The following TMEM182 variants were observed in gnomAD, a reference collection of about 807,000 sequenced individuals.
TMEM182 encodes transmembrane protein 182.
In TMEM182, 20 loss-of-function variants were observed where a neutral mutation model predicts 26.8. That is an observed-to-expected ratio of 0.75 (90% CI 0.53 to 1.09). TMEM182 has a LOEUF of 1.09. TMEM182 is among the 50% of genes least tolerant of loss of function. TMEM182 has a pLI of 0.00. For missense variants in TMEM182, 277 were observed against 275.5 expected (o/e 1.01, Z -0.04); for synonymous variants, 109 against 102.2 (o/e 1.07, Z -0.40).
In TMEM182 at chr2:102,814,916, T is replaced by C. The variant is rs1288055537; in HGVS notation, c.638T>C (p.Leu213Pro). The change falls in exon 5 of 5, where the codon CTA (leucine) becomes CCA (proline). Residue 213 changes from leucine to proline, a missense_variant. Physicochemically the swap from Leu to Pro is moderately conservative, Grantham distance 98. Transcript: ENST00000412401. ...LAPAGIFFSL[L>P]AGLLFLVVGW... is the part of the protein sequence containing the mutation. ...CCAGCTGGGATATTTTTTTCTTTGC[T>C]AGCTGGATTACTATTTCTGGTTGTT... 6.2e-7 allele frequency: 1 copy of C among 1,614,020 alleles called. No individual in the cohort carries two copies. Among genetic ancestry groups the C allele is most frequent in the Admixed American group, 1.7e-5 (1 of 59,972 alleles).
At chr2:102,773,927 G>A (rs1680792239) in intron 3 of TMEM182, among the ~76,000 whole-genome samples, 1 of 152,094 alleles carries the variant, frequency 6.6e-6, no homozygotes, top group South Asian at 2.1e-4. Flanking sequence ...CCAAAAAACT[G>A]TGTATATATG....
intron 3 of TMEM182, among the ~76,000 whole-genome samples, chr2:102,777,943 G>A (rs1351742919): frequency 6.6e-6 from 1 of 151,606 alleles, no homozygotes. Context: ...ATCAGTATTG[G>A]TATATGTTCC....
upstream of TMEM182, chr2:102,761,975 C>A (rs537351859): frequency 7.9e-6 from 3 of 381,538 alleles, no homozygotes; most frequent in Non-Finnish European, 1.4e-5. Context: ...CTTAAAATAG[C>A]CAGCAATTCT....
intron 3 of TMEM182, chr2:102,834,292 A>C (rs1683201441): frequency 1.3e-6 from 1 of 756,196 alleles, no homozygotes; most frequent in Admixed American, 6.3e-5. Flanking sequence ...GTCTCTGTAA[A>C]GAAAAAAACC....
intron 3 of TMEM182, among the ~76,000 whole-genome samples, chr2:102,783,439 C>A (rs1438099454): frequency 6.6e-6 from 1 of 152,092 alleles, no homozygotes; most frequent in Non-Finnish European, 1.5e-5. Context: ...AAACAAAAAA[C>A]TAAGGGGGTT....
chr2:102,812,207 A>G (rs1450031331), intron 4 of TMEM182, among the ~76,000 whole-genome samples: 1 of 152,152 alleles, frequency 6.6e-6, no homozygotes, highest in African/African-American at 2.4e-5. Flanking sequence ...CCCATTGGCC[A>G]TTCACTTATT....
chr2:102,766,131 T>C (rs1558759798), intron 3 of TMEM182, among the ~76,000 whole-genome samples: 1 of 152,210 alleles, frequency 6.6e-6, no homozygotes, highest in Non-Finnish European at 1.5e-5. Flanking sequence ...TGAGGTCCTG[T>C]GATAAGATAG....
intron 3 of TMEM182, among the ~76,000 whole-genome samples, chr2:102,784,288 C>T (rs1274067771): frequency 6.6e-6 from 1 of 151,810 alleles, no homozygotes; most frequent in Non-Finnish European, 1.5e-5. Flanking sequence ...TATTTTACCA[C>T]TTAAGAAAAA....
At chr2:102,837,905 A>G (rs1308232081) in intron 3 of TMEM182, among the ~76,000 whole-genome samples, 1 of 152,192 alleles carries the variant, frequency 6.6e-6, no homozygotes, top group Non-Finnish European at 1.5e-5. Context: ...TACGTCATTC[A>G]TGGGGCTTAG....
At chr2:102,759,349 C>A (rs1293220732), upstream of TMEM182, among the ~76,000 whole-genome samples, 1 of 152,098 alleles carries the variant, frequency 6.6e-6, no homozygotes, top group Non-Finnish European at 1.5e-5. Flanking sequence ...AGGGAGGGGG[C>A]GTGTGGGGGA....
At chr2:102,841,615 C>A (rs1257229064) in intron 3 of TMEM182, among the ~76,000 whole-genome samples, 1 of 152,212 alleles carries the variant, frequency 6.6e-6, no homozygotes, top group Non-Finnish European at 1.5e-5. Flanking sequence ...TGTCTGTTGT[C>A]TTTGAACTAA....
chr2:102,762,475 C>G, intron 1 of TMEM182, 112 bp from the exon 2 acceptor site: 45 of 1,525,406 alleles, frequency 3.0e-5, no homozygotes, highest in Non-Finnish European at 3.9e-5. Flanking sequence ...TAGAAAGCTA[C>G]TGAGCTTCAT....
At chr2:102,754,242 T>C (rs1342515897) in intron 1 of TMEM182, among the ~76,000 whole-genome samples, 1 of 152,150 alleles carries the variant, frequency 6.6e-6, no homozygotes, top group Non-Finnish European at 1.5e-5. Context: ...TTTGGAGATT[T>C]TAGAAAAGTA....
At chr2:102,740,252 A>G (rs1225035758) in intron 1 of TMEM182, among the ~76,000 whole-genome samples, 2 of 152,148 alleles carry the variant, frequency 1.3e-5, no homozygotes, top group East Asian at 3.9e-4. Flanking sequence ...CTCATCTTGA[A>G]CTGCAGTTCC....
At position 102,762,345 on chromosome 2, in the gene TMEM182, A is replaced by T; in HGVS notation, c.128A>T (p.Lys43Met). The change falls in exon 1 of 5, where the codon AAG becomes ATG. Residue 43 changes from lysine to methionine, a missense_variant. Lys to Met is a moderately conservative substitution (Grantham distance 95). Coordinates refer to ENST00000412401, the MANE Select transcript of TMEM182 (RefSeq NM_144632.5). ...GAAGTGGGGAGATGTTCAGGTGAAAAGAATGTGAGTCTCTTCTTCAAAATA... is the reference window on the plus strand; with the variant it reads ...GAAGTGGGGAGATGTTCAGGTGAAATGAATGTGAGTCTCTTCTTCAAAATA... ...ATEVGRCSGE[K>M]NIENVTFHHE... is the part of the protein sequence containing the mutation. The T allele has an allele frequency of 6.2e-7, 1 of 1,613,878 alleles. No homozygotes were observed. Among genetic ancestry groups the T allele is most frequent in the South Asian group, 1.1e-5 (1 of 91,068 alleles).
intron 1 of TMEM182, among the ~76,000 whole-genome samples, chr2:102,742,657 A>T (rs1407466475): frequency 6.6e-6 from 1 of 152,218 alleles, no homozygotes; most frequent in Non-Finnish European, 1.5e-5. Flanking sequence ...AAAACAGAGA[A>T]AATCTTGAAA....
In TMEM182 at chr2:102,799,617, T is replaced by A. The variant is rs185147138; in HGVS notation, c.469+1617T>A. Among the ~76,000 whole-genome samples, 723 of 152,248 alleles carry A rather than the reference T, an allele frequency of 4.7e-3. 22 individuals are homozygous for A. Among genetic ancestry groups the A allele is most frequent in the Admixed American group, 0.045 (693 of 15,302 alleles). On this transcript the variant is annotated intron_variant, in intron 4 of 4. Coordinates refer to ENST00000412401, the MANE Select transcript of TMEM182 (RefSeq NM_144632.5). ...CAGGATCTAATGGTCATAGACTAAG[T>A]GGGGAACCCAGCGAGGCCTGTCCGT...
chr2:102,774,237 A>ACTTT (rs1377618203), intron 3 of TMEM182, among the ~76,000 whole-genome samples: 3 of 130,394 alleles, frequency 2.3e-5, no homozygotes, highest in Admixed American at 7.6e-5. Context: ...TGTTTTTTAC[A>ACTTT]CTTTCTTTCT....
intron 3 of TMEM182, among the ~76,000 whole-genome samples, chr2:102,770,060 A>G (rs1021505397): frequency 4.6e-5 from 7 of 152,194 alleles, no homozygotes; most frequent in Non-Finnish European, 1.0e-4. Context: ...TTCAAATATA[A>G]TCTTTAAGGA....
Sources: gnomAD v4.1 joint callset for allele counts (sites outside exome capture counted in the v4.1 genomes callset) on GRCh38, gnomAD v4.1.1 for gene constraint, MANE v1.5 for transcripts, NCBI Gene and HGNC (gene_info 2026-07-23, HGNC 2026-07-21) for gene names.